The following PALM2AKAP2 variants were observed in gnomAD, a reference collection of about 807,000 sequenced individuals.
PALM2AKAP2 encodes PALM2-AKAP2 fusion protein.
A neutral mutation model predicts 71.5 loss-of-function variants in PALM2AKAP2; 37 were observed. That is an observed-to-expected ratio of 0.52 (90% CI 0.40 to 0.68). The LOEUF is 0.68. Ranked by LOEUF, PALM2AKAP2 falls within the 30% of genes least tolerant of loss-of-function variation. The pLI, the probability that PALM2AKAP2 is intolerant of heterozygous loss-of-function variation, is 0.00. For missense variants in PALM2AKAP2, 1,224 were observed against 1,191.8 expected (o/e 1.03, Z -0.40); for synonymous variants, 468 against 478.8 (o/e 0.98, Z 0.29).
At chr9:109,869,804 T>C (rs893454195) in intron 2 of PALM2AKAP2, among the ~76,000 whole-genome samples, 4 of 152,146 alleles carry the variant, frequency 2.6e-5, no homozygotes, top group Non-Finnish European at 5.9e-5. Context: ...CTCACACAGT[T>C]GATGAGATTG....
intron 1 of PALM2AKAP2, among the ~76,000 whole-genome samples, chr9:109,762,547 T>C (rs1410197): frequency 0.58 from 88,414 of 151,958 alleles, 25,996 homozygotes; most frequent in South Asian, 0.68. Context: ...AAGGGATTAT[T>C]GGAGCTGGCA....
intron 6 of PALM2AKAP2, among the ~76,000 whole-genome samples, chr9:109,999,702 G>A (rs917809489): frequency 3.9e-5 from 6 of 152,320 alleles, no homozygotes; most frequent in African/African-American, 7.2e-5. Flanking sequence ...AAGCAGCATC[G>A]ACCAGGAAGC....
chr9:110,036,509 C>T (rs1451501040), intron 7 of PALM2AKAP2, among the ~76,000 whole-genome samples: 1 of 152,144 alleles, frequency 6.6e-6, no homozygotes, highest in East Asian at 1.9e-4. Flanking sequence ...ATTATCATCT[C>T]TTGCCCAGAT....
At chr9:109,835,770 C>A (rs1828455661) in intron 1 of PALM2AKAP2, among the ~76,000 whole-genome samples, 1 of 152,164 alleles carries the variant, frequency 6.6e-6, no homozygotes, top group Non-Finnish European at 1.5e-5. Flanking sequence ...GCCCATGGAG[C>A]CTTGCTCATT....
Position 110,161,862 on chromosome 9 carries a change from G to T in PALM2AKAP2, c.2748+5365G>T, listed in dbSNP as rs137860154. Among the ~76,000 whole-genome samples the T allele has an allele frequency of 1.4e-4, 22 of 151,740 alleles. No homozygotes were observed. The South Asian group carries it at 4.4e-3, about 30-fold the overall frequency. On this transcript the variant is annotated intron_variant, in intron 3 of 3. Coordinates refer to ENST00000374525, the Ensembl canonical transcript of PALM2AKAP2. ...GCAACGTTTTGAATTAACAAAGTAC[G>T]GCTTATCTGATATTTTTATTAGTGA...
At chr9:109,878,759 C>T (rs537716689) in intron 2 of PALM2AKAP2, among the ~76,000 whole-genome samples, 6 of 152,012 alleles carry the variant, frequency 3.9e-5, no homozygotes, top group Middle Eastern at 3.4e-3. Context: ...TTTTTTGAGA[C>T]GGAGTTTCGC....
intron 1 of PALM2AKAP2, among the ~76,000 whole-genome samples, chr9:110,075,846 A>G (rs1172051054): frequency 1.3e-5 from 2 of 152,048 alleles, no homozygotes; most frequent in Non-Finnish European, 2.9e-5. Flanking sequence ...CATATTTGAC[A>G]TGTTATATAA....
intron 1 of PALM2AKAP2, among the ~76,000 whole-genome samples, chr9:109,768,475 C>T (rs183913849): frequency 1.1e-3 from 172 of 152,170 alleles, no homozygotes; most frequent in Admixed American, 5.5e-3. Context: ...GTGAGGTATC[C>T]AGCACCTCAA....
At chr9:109,662,984 G>A (rs939312990) in intron 1 of PALM2AKAP2, among the ~76,000 whole-genome samples, 14 of 152,094 alleles carry the variant, frequency 9.2e-5, no homozygotes, top group African/African-American at 3.4e-4. Flanking sequence ...TCTGATGATA[G>A]CTTGTATTTT....
At chr9:109,725,657 A>C (rs542273908) in intron 1 of PALM2AKAP2, among the ~76,000 whole-genome samples, 11 of 152,368 alleles carry the variant, frequency 7.2e-5, no homozygotes, top group African/African-American at 1.4e-4. Context: ...AGGCATTAAA[A>C]ATGATGTCAT....
chr9:109,880,592 C>G (rs1012267092), exon 3 of PALM2AKAP2: 2 of 1,613,458 alleles, frequency 1.2e-6, no homozygotes, highest in African/African-American at 2.7e-5. Flanking sequence ...AGGGCATACC[C>G]GCTGGAACTG....
At chr9:109,753,717 G>A (rs1261552403) in intron 1 of PALM2AKAP2, among the ~76,000 whole-genome samples, 3 of 152,168 alleles carry the variant, frequency 2.0e-5, no homozygotes, top group African/African-American at 4.8e-5. Context: ...CATCGAGGCA[G>A]TTAGAGATTG....
chr9:109,971,212 A>G (rs1293141491), intron 6 of PALM2AKAP2, among the ~76,000 whole-genome samples: 3 of 149,878 alleles, frequency 2.0e-5, no homozygotes, highest in Non-Finnish European at 4.4e-5. Flanking sequence ...CTCAGTAAAT[A>G]TCAGTGAATG....
chr9:110,169,055 T>C (rs1396670400), exon 4 of PALM2AKAP2: 1 of 152,698 alleles, frequency 6.5e-6, no homozygotes, highest in Non-Finnish European at 1.5e-5. Context: ...CCACTTCTCC[T>C]ACATTTAATT....
chr9:110,153,516 G>GAATTATTT (rs1836374116), intron 2 of PALM2AKAP2, among the ~76,000 whole-genome samples: 2 of 152,230 alleles, frequency 1.3e-5, no homozygotes, highest in Non-Finnish European at 2.9e-5. Context: ...ATATTTTGGT[G>GAATTATTT]AAGGCATTTA....
intron 2 of PALM2AKAP2, among the ~76,000 whole-genome samples, chr9:109,871,634 G>A (rs1428278789): frequency 2.0e-5 from 3 of 152,110 alleles, no homozygotes; most frequent in African/African-American, 7.2e-5. Context: ...ATATATTTCT[G>A]TAGATTAAGA....
chr9:109,771,969 G>T, intron 1 of PALM2AKAP2: 1 of 152,256 alleles, frequency 6.6e-6, no homozygotes, highest in East Asian at 1.9e-4. Flanking sequence ...TAGAAAGCAA[G>T]ATCACCTTTG....
chr9:109,975,310 T>A (rs1014613868), intron 6 of PALM2AKAP2, among the ~76,000 whole-genome samples: 1 of 152,160 alleles, frequency 6.6e-6, no homozygotes, highest in African/African-American at 2.4e-5. Context: ...CCAGGTCCAA[T>A]GGTCCAAGAA....
At position 110,079,785 on chromosome 9, in the gene PALM2AKAP2, G is replaced by A. The variant is rs149738092; in HGVS notation, c.156+30930G>A. ...GAGAAAATACAGATTTTTATTAGAA[G>A]GTTGCTGGGCACGGTGGCTCACGCC... On this transcript the variant is annotated intron_variant, in intron 1 of 3. Coordinates refer to ENST00000374525, the Ensembl canonical transcript of PALM2AKAP2. Among the ~76,000 whole-genome samples the A allele has an allele frequency of 1.4e-3, 213 of 151,958 alleles. 1 individual carries two copies. The highest frequency in any genetic ancestry group is 4.9e-3 in the African/African-American group (202 of 41,456).
Sources: allele counts gnomAD v4.1 joint callset (sites outside exome capture counted in the v4.1 genomes callset), GRCh38; gene constraint gnomAD v4.1.1; transcripts MANE v1.5; gene names NCBI Gene and HGNC (gene_info 2026-07-23, HGNC 2026-07-21).